CRPPA: variants seen among roughly 807,000 people sequenced by gnomAD.
CRPPA encodes D-ribitol-5-phosphate cytidylyltransferase.
In CRPPA, 43 loss-of-function variants were observed where a neutral mutation model predicts 52.0. The observed-to-expected ratio is 0.83, with a 90% CI of 0.65 to 1.07. The LOEUF (loss-of-function observed/expected upper bound fraction) is 1.07, where lower values mean the gene tolerates loss of function less well. Among genes scored for constraint, CRPPA ranks in the 50% least tolerant of loss-of-function variants. The pLI, the probability that CRPPA is intolerant of heterozygous loss-of-function variation, is 0.00. For missense variants in CRPPA, 629 were observed against 551.7 expected (o/e 1.14, Z -1.40); for synonymous variants, 250 against 203.5 (o/e 1.23, Z -1.94).
intron 9 of CRPPA, among the ~76,000 whole-genome samples, chr7:16,105,830 T>C (rs867674508): frequency 6.6e-6 from 1 of 152,094 alleles, no homozygotes; most frequent in Non-Finnish European, 1.5e-5. Context: ...AGAGGCTAAA[T>C]TGGCTTGACC....
At chr7:16,329,020 A>C (rs114357360) in intron 3 of CRPPA, among the ~76,000 whole-genome samples, 1 of 152,198 alleles carries the variant, frequency 6.6e-6, no homozygotes, top group Non-Finnish European at 1.5e-5. Context: ...GTAACATACT[A>C]TAAGTCCACA....
chr7:16,397,968 C>T lies in CRPPA; in HGVS notation c.534+8093G>A, dbSNP rs187151358. 4.5e-4 allele frequency among the ~76,000 whole-genome samples: 69 copies of T among 152,322 alleles called. No homozygotes were observed. In the East Asian group the frequency reaches 0.012, roughly 26 times the overall value. ...ATTGACACGTTTGACATGTGACTTA[C>T]ATGCCATTGACCTTACCACCTAACC... On this transcript the variant is annotated intron_variant, in intron 2 of 9. Transcript: ENST00000407010.
At chr7:16,186,465 A>G (rs1295066380) in intron 9 of CRPPA, among the ~76,000 whole-genome samples, 3 of 151,964 alleles carry the variant, frequency 2.0e-5, no homozygotes, top group Non-Finnish European at 4.4e-5. Flanking sequence ...TTAGACATCC[A>G]CCCTCCACAA....
At chr7:16,342,572 C>G (rs1785875198) in intron 3 of CRPPA, among the ~76,000 whole-genome samples, 1 of 151,200 alleles carries the variant, frequency 6.6e-6, no homozygotes, top group South Asian at 2.1e-4. Flanking sequence ...GTGTATTTGG[C>G]TCTTATTTCA....
chr7:16,152,921 C>T (rs924610734), intron 9 of CRPPA, among the ~76,000 whole-genome samples: 3 of 151,854 alleles, frequency 2.0e-5, no homozygotes, highest in Non-Finnish European at 4.4e-5. Flanking sequence ...TCTTAGGGGG[C>T]TCAATGTATT....
chr7:16,334,881 C>T (rs1785640248), intron 3 of CRPPA, among the ~76,000 whole-genome samples: 1 of 152,108 alleles, frequency 6.6e-6, no homozygotes, highest in Admixed American at 6.5e-5. Context: ...TCCTCAAACA[C>T]ATAGGCATCA....
intron 1 of CRPPA, among the ~76,000 whole-genome samples, chr7:16,409,328 G>C (rs1456397032): frequency 6.6e-6 from 1 of 152,210 alleles, no homozygotes; most frequent in Non-Finnish European, 1.5e-5. Context: ...CTCCAAAATT[G>C]TAAGAGAATG....
rs76218254 is a variant in CRPPA at position 16,394,838 on chromosome 7, T to A, written c.534+11223A>T. Among the ~76,000 whole-genome samples, 164 of 151,410 alleles carry A rather than the reference T, an allele frequency of 1.1e-3. 1 individual carries two copies. The highest frequency in any genetic ancestry group is 3.7e-3 in the African/African-American group (154 of 41,390). On this transcript the variant is annotated intron_variant, in intron 2 of 9. Coordinates refer to ENST00000407010, the MANE Select transcript of CRPPA (RefSeq NM_001101426.4). The stretch of plus-strand genomic sequence containing the variant: ...TAAACTAAAGGCCCATGAAAAGAGA[T>A]CACAAGTGAAAATAACTTCTTGGCT...
intron 3 of CRPPA, among the ~76,000 whole-genome samples, chr7:16,359,211 T>C (rs191458667): frequency 2.0e-5 from 3 of 152,318 alleles, no homozygotes; most frequent in Admixed American, 2.0e-4. Flanking sequence ...AACCTAGAAC[T>C]CCTTGGCTCA....
intron 1 of CRPPA, among the ~76,000 whole-genome samples, chr7:16,419,573 G>A (rs1275553888): frequency 1.3e-5 from 2 of 152,032 alleles, no homozygotes; most frequent in Non-Finnish European, 2.9e-5. Flanking sequence ...TCTCCAAATT[G>A]CTCCTGGGGA....
At chr7:16,198,959 A>G (rs1194316749) in intron 9 of CRPPA, among the ~76,000 whole-genome samples, 2 of 152,218 alleles carry the variant, frequency 1.3e-5, no homozygotes, top group African/African-American at 4.8e-5. Flanking sequence ...TCAGCAGAAT[A>G]GGAACCTCTG....
chr7:16,299,505 A>G (rs1256562370), intron 5 of CRPPA, among the ~76,000 whole-genome samples: 1 of 152,186 alleles, frequency 6.6e-6, no homozygotes, highest in East Asian at 1.9e-4. Context: ...TCTAGTCCTC[A>G]GGTAATCACA....
chr7:16,228,789 T>C (rs765628971), intron 8 of CRPPA, among the ~76,000 whole-genome samples: 1 of 152,012 alleles, frequency 6.6e-6, no homozygotes, highest in Non-Finnish European at 1.5e-5. Flanking sequence ...TTGGACTGAA[T>C]ATCCTATGTA....
intron 1 of CRPPA, among the ~76,000 whole-genome samples, chr7:16,408,270 G>A (rs185489163): frequency 2.6e-4 from 39 of 152,304 alleles, no homozygotes; most frequent in Middle Eastern, 3.4e-3. Flanking sequence ...AGGCTGAGTA[G>A]CTAAACAGTC....
At chr7:16,149,126 G>T (rs937768582) in intron 9 of CRPPA, among the ~76,000 whole-genome samples, 1 of 152,076 alleles carries the variant, frequency 6.6e-6, no homozygotes, top group African/African-American at 2.4e-5. Context: ...TAAAAGTAGG[G>T]TACTATGAAT....
At chr7:16,325,423 T>C (rs1785360843) in intron 3 of CRPPA, among the ~76,000 whole-genome samples, 2 of 152,290 alleles carry the variant, frequency 1.3e-5, no homozygotes, top group African/African-American at 4.8e-5. Flanking sequence ...ATTTTTCCAA[T>C]AACATGTCTT....
intron 9 of CRPPA, among the ~76,000 whole-genome samples, chr7:16,173,051 T>G (rs966173595): frequency 6.6e-6 from 1 of 152,226 alleles, no homozygotes. Context: ...CACATATTCT[T>G]TCATGGTTAA....
chr7:16,384,697 GCTTTTCC>G (rs1787207174), intron 2 of CRPPA, among the ~76,000 whole-genome samples: 1 of 152,144 alleles, frequency 6.6e-6, no homozygotes, highest in African/African-American at 2.4e-5. Flanking sequence ...AACATCAGAA[GCTTTTCC>G]CTGTGAAAGT....
At chr7:16,262,820 A>G (rs1027145493) in intron 6 of CRPPA, among the ~76,000 whole-genome samples, 2 of 152,220 alleles carry the variant, frequency 1.3e-5, no homozygotes, top group African/African-American at 4.8e-5. Flanking sequence ...ATCCACGGGC[A>G]GGGTTTAGAA....
Sources: allele counts gnomAD v4.1 joint callset (sites outside exome capture counted in the v4.1 genomes callset), GRCh38; gene constraint gnomAD v4.1.1; transcripts MANE v1.5; gene names NCBI Gene and HGNC (gene_info 2026-07-23, HGNC 2026-07-21).